Variants in DCAF1 observed in about 807,000 individuals in gnomAD.
The protein encoded by DCAF1 is DDB1- and CUL4-associated factor 1.
In DCAF1, 15 loss-of-function variants were observed where a neutral mutation model predicts 128.0. The ratio of observed to expected loss-of-function variants is 0.12; its 90% CI spans 0.08 to 0.18. The LOEUF (loss-of-function observed/expected upper bound fraction) is 0.18, where lower values mean the gene tolerates loss of function less well. DCAF1 is among the 10% of genes least tolerant of loss of function. The pLI is 1.00. For synonymous variants in DCAF1, 610 were observed against 603.0 expected (o/e 1.01, Z -0.17); for missense variants, 988 against 1,649.5 (o/e 0.60, Z 6.95).
At chr3:51,478,310 T>C (rs568680796) in intron 3 of DCAF1, among the ~76,000 whole-genome samples, 1 of 152,234 alleles carries the variant, frequency 6.6e-6, no homozygotes, top group East Asian at 1.9e-4. Context: ...AGGCCTCCGT[T>C]AGTCTTAGTT....
At chr3:51,397,804 C>A (rs2089307700), downstream of DCAF1, 2 of 167,066 alleles carry the variant, frequency 1.2e-5, no homozygotes, top group South Asian at 4.1e-4. Context: ...AAAAGGGACA[C>A]ACCCCACTTC....
Position 51,463,153 on chromosome 3 carries a change from G to A in DCAF1, c.336C>T (p.Ile112=), listed in dbSNP as rs782696549. ...CGACAGCAGTTTCCAGCCCTGGCATGATGTCTAATAGGAGTCTGCAAGCTG... is the reference window on the plus strand; with the variant it reads ...CGACAGCAGTTTCCAGCCCTGGCATAATGTCTAATAGGAGTCTGCAAGCTG... ...NTAACRLLLD[I]MPGLETAVVF... is the part of the protein sequence containing the mutation. The change falls in exon 6 of 25, where the codon ATC becomes ATT. Residue 112 remains isoleucine (I), a synonymous_variant. Coordinates refer to ENST00000684031, the MANE Select transcript of DCAF1 (RefSeq NM_001387579.1). 1 of 1,595,764 alleles carries A rather than the reference G, an allele frequency of 6.3e-7. No homozygotes were observed. The highest frequency in any genetic ancestry group is 8.5e-7 in the Non-Finnish European group (1 of 1,170,340).
intron 24 of DCAF1, 79 bp from the exon 25 acceptor site, chr3:51,398,906 C>T: frequency 1.3e-6 from 2 of 1,513,470 alleles, no homozygotes; most frequent in South Asian, 2.4e-5. Context: ...CCTGCACTCA[C>T]ATACATTCAT....
intron 13 of DCAF1, among the ~76,000 whole-genome samples, chr3:51,424,700 T>C (rs1474307912): frequency 3.3e-5 from 5 of 152,146 alleles, no homozygotes; most frequent in African/African-American, 1.2e-4. Context: ...TATCAACATA[T>C]ATAAATCTCA....
intron 7 of DCAF1, among the ~76,000 whole-genome samples, chr3:51,443,371 A>G (rs1326265378): frequency 2.0e-5 from 3 of 152,050 alleles, no homozygotes; most frequent in Non-Finnish European, 4.4e-5. Flanking sequence ...CAGGTGGATC[A>G]TGAGGTCAGG....
intron 5 of DCAF1, among the ~76,000 whole-genome samples, chr3:51,465,867 G>C (rs1283154137): frequency 6.6e-6 from 1 of 151,940 alleles, no homozygotes; most frequent in Non-Finnish European, 1.5e-5. Flanking sequence ...GTACAAAAAA[G>C]GTTTTAAATG....
At chr3:51,415,604 CAG>C (rs1228865732) in intron 18 of DCAF1, among the ~76,000 whole-genome samples, 1 of 152,098 alleles carries the variant, frequency 6.6e-6, no homozygotes, top group Non-Finnish European at 1.5e-5. Context: ...TTTTTATTTT[CAG>C]AGACAGGGTC....
chr3:51,446,289 C>T (rs57019473), intron 6 of DCAF1, among the ~76,000 whole-genome samples: 3,069 of 152,168 alleles, frequency 0.02, 106 homozygotes, highest in African/African-American at 0.07. Flanking sequence ...TGTTAGCCAC[C>T]GCACCCGGCC....
At position 51,420,585 on chromosome 3, in the gene DCAF1, C is replaced by A; in HGVS notation, c.2385G>T (p.Leu795=). 1.2e-6 allele frequency: 2 copies of A among 1,613,960 alleles called. No homozygotes were observed. Among genetic ancestry groups the A allele is most frequent in the Non-Finnish European group, 1.7e-6 (2 of 1,179,876 alleles). The change falls in exon 15 of 25, where the codon CTG becomes CTT. Residue 795 remains leucine (L), a synonymous_variant. Coordinates refer to ENST00000684031, the MANE Select transcript of DCAF1 (RefSeq NM_001387579.1). This position sits in a 1 kb window ranked among gnomAD's most constrained non-coding sequence, Gnocchi z 6.5. ...TGACATGGTCACTGCGCTTGTCCTG[C>A]AGCACAGGCTCCTTCATCAGCTGCT... is the stretch of plus-strand genomic sequence containing the variant. ...QIQQLMKEPV[L]QDKRSDHVKF...
chr3:51,410,490 G>A (rs781933513), intron 23 of DCAF1, among the ~76,000 whole-genome samples: 26 of 55,364 alleles, frequency 4.7e-4, no homozygotes, highest in Non-Finnish European at 1.2e-4. Flanking sequence ...ATCCTGTAAT[G>A]GCCAACAGTA....
chr3:51,420,825 A>G lies in DCAF1; in HGVS notation c.2145T>C (p.Pro715=), dbSNP rs112510197. The G allele has an allele frequency of 0.017, 27,612 of 1,613,980 alleles. 302 individuals are homozygous for G. The highest frequency in any genetic ancestry group is 0.02 in the Non-Finnish European group (23,337 of 1,179,884). ...TGGCCAGGGTGTGCTCACTGCTTTT[A>G]GGGTTCTGAGGCAGCTTTCTCCGAG... ...GTPRRKLPQN[P]KSSEHTLAKM... Residue 715 remains proline, a synonymous_variant, in exon 15 of 25, where the codon CCT becomes CCC. Transcript: ENST00000684031. The surrounding 1 kb of genome is among the most constrained non-coding windows in gnomAD (Gnocchi z 6.5).
chr3:51,467,895 A>T (rs1420513566), intron 4 of DCAF1, among the ~76,000 whole-genome samples: 2 of 152,136 alleles, frequency 1.3e-5, no homozygotes, highest in Non-Finnish European at 2.9e-5. Flanking sequence ...GCATGCTTCT[A>T]TTGATGGGTG....
intron 6 of DCAF1, among the ~76,000 whole-genome samples, chr3:51,461,677 G>GAT (rs1428787598): frequency 6.6e-6 from 1 of 152,112 alleles, no homozygotes; most frequent in Non-Finnish European, 1.5e-5. Flanking sequence ...GTCCAACAAC[G>GAT]ATAGACTGGA....
intron 4 of DCAF1, among the ~76,000 whole-genome samples, chr3:51,468,558 C>T (rs1445675948): frequency 6.6e-6 from 1 of 152,056 alleles, no homozygotes; most frequent in Non-Finnish European, 1.5e-5. Flanking sequence ...TCAAAACATA[C>T]AATAGAGAAT....
At chr3:51,495,833 G>A (rs922804705) in intron 2 of DCAF1, among the ~76,000 whole-genome samples, 5 of 151,990 alleles carry the variant, frequency 3.3e-5, no homozygotes, top group South Asian at 2.1e-4. Context: ...CTGCCCAGGC[G>A]GGAGTGCAGG....
chr3:51,435,357 T>C (rs939455282), intron 9 of DCAF1, among the ~76,000 whole-genome samples: 1 of 152,190 alleles, frequency 6.6e-6, no homozygotes, highest in Non-Finnish European at 1.5e-5. Context: ...AGTATAACCA[T>C]GAGCTTACAC....
chr3:51,464,878 G>C (rs901814806), intron 5 of DCAF1, among the ~76,000 whole-genome samples: 3 of 152,112 alleles, frequency 2.0e-5, no homozygotes, highest in East Asian at 1.9e-4. Flanking sequence ...TTGGAGGAGA[G>C]GAGGGCCAGA....
intron 9 of DCAF1, among the ~76,000 whole-genome samples, chr3:51,439,987 A>G (rs1701216152): frequency 6.6e-6 from 1 of 151,312 alleles, no homozygotes; most frequent in South Asian, 2.1e-4. Flanking sequence ...GCGAGACTCC[A>G]TCTCAAAAAA....
Position 51,427,460 on chromosome 3 carries a change from G to C in DCAF1, c.1759C>G (p.Pro587Ala), listed in dbSNP as rs1553634404. 2 of 779,798 alleles carry C rather than the reference G, an allele frequency of 2.6e-6. No individual in the cohort carries two copies. The highest frequency in any genetic ancestry group is 2.4e-5 in the East Asian group (1 of 41,198). The allele number at this position is 779,798 out of a possible 1,614,324, so 48.3% of individuals were successfully genotyped here. ...GAAAGTTTGAGGAAAACTTCAGCTG[G>C]TTCCCAATATAGCTGCGCTGGGCCA... ...EYGPAQLYWE[P>A]AEVFLKLSCV... The change falls in exon 13 of 25, where the codon CCA becomes GCA. Residue 587 changes from proline to alanine, a missense_variant. This residue lies in a region of DCAF1 where 185 missense variants were observed against 248.1 expected (regional missense o/e 0.75). Transcript: ENST00000684031.
Sources: gnomAD v4.1 joint callset for allele counts (sites outside exome capture counted in the v4.1 genomes callset) on GRCh38, gnomAD v4.1.1 for gene constraint, gnomAD v4.1.1 regional missense constraint, Gnocchi (gnomAD v3.1) non-coding constraint, MANE v1.5 for transcripts, NCBI Gene and HGNC (gene_info 2026-07-23, HGNC 2026-07-21) for gene names.